Variants in COL6A2 observed in about 807,000 individuals in gnomAD.
COL6A2 encodes collagen alpha-2(VI) chain.
COL6A2 carries 90 observed loss-of-function variants against 124.9 expected under a neutral mutation model. The ratio of observed to expected loss-of-function variants is 0.72; its 90% CI spans 0.61 to 0.86. The LOEUF (loss-of-function observed/expected upper bound fraction) is 0.86, where lower values mean the gene tolerates loss of function less well. Among genes scored for constraint, COL6A2 ranks in the 40% least tolerant of loss-of-function variants. The probability of loss-of-function intolerance (pLI) is 0.00; values close to 1 mark genes in which losing one functional copy is unlikely to be tolerated. For missense variants in COL6A2, 1,607 were observed against 1,502.5 expected, an observed-to-expected ratio of 1.07 and a Z score of -1.15; for synonymous variants, 793 against 618.2, an observed-to-expected ratio of 1.28 and a Z score of -4.19.
In COL6A2 at chr21:46,117,418, G is replaced by A. The variant is rs2078489557; in HGVS notation, c.1018G>A (p.Gly340Arg). The stretch of plus-strand genomic sequence containing the variant: ...CCTTCAGGGCAAGCTGGGGCGCATC[G>A]GACCTCCTGGCTGCAAGGGAGACCC... ...DGQKGKLGRI[G>R]PPGCKGDPGN... Residue 340 changes from glycine to arginine, a missense_variant, in exon 11 of 28, where the codon GGA becomes AGA. By Grantham distance (125) the Gly-to-Arg change is moderately radical (BLOSUM62 -2). Coordinates refer to ENST00000300527, the MANE Select transcript of COL6A2 (RefSeq NM_001849.4). 2.5e-6 allele frequency: 4 copies of A among 1,612,770 alleles called. No individual in the cohort carries two copies. The highest frequency in any genetic ancestry group is 1.1e-5 in the South Asian group (1 of 91,070).
At position 46,114,086 on chromosome 21, in the gene COL6A2, G is replaced by A; in HGVS notation, c.801+13G>A. 6.2e-7 allele frequency: 1 copy of A among 1,607,436 alleles called. No individual in the cohort carries two copies. The highest frequency in any genetic ancestry group is 1.1e-5 in the South Asian group (1 of 90,978). The stretch of plus-strand genomic sequence containing the variant: ...CCGTGGACAGAAGGTAAGATGCCCA[G>A]ATTACCTGCAGGGTCTGCGCTACCA... On this transcript the variant is annotated intron_variant, in intron 5 of 27. Coordinates refer to ENST00000300527, the MANE Select transcript of COL6A2 (RefSeq NM_001849.4).
rs1395858719 is a variant in COL6A2, at chr21:46,125,266, G to T, written c.1771G>T (p.Glu591Ter). 1.9e-6 allele frequency: 3 copies of T among 1,612,112 alleles called. No homozygotes were observed. Reference protein sequence around the residue: ...PGPPGDPGLTECDVMTYVRET... With the variant: ...PGPPGDPGLT Reference sequence around the variant, plus strand: ...ACCCTGCCTGCCGTGTGCATTGCAGGAGTGTGACGTCATGACCTACGTGAG... The same window carrying T: ...ACCCTGCCTGCCGTGTGCATTGCAGTAGTGTGACGTCATGACCTACGTGAG... Residue 591 changes from glutamate to a stop codon, truncating the protein, a stop_gained and splice_region_variant, in exon 24 of 28, where the codon GAG becomes TAG. Coordinates refer to ENST00000300527, the MANE Select transcript of COL6A2 (RefSeq NM_001849.4). LOFTEE classifies it high-confidence loss of function.
chr21:46,100,895 C>A (rs921562125), intron 1 of COL6A2, among the ~76,000 whole-genome samples: 1 of 152,122 alleles, frequency 6.6e-6, no homozygotes, highest in African/African-American at 2.4e-5. Context: ...ATCCCACTTT[C>A]ACTTCTTTTG....
At chr21:46,128,575 C>T (rs780375913) in intron 27 of COL6A2, among the ~76,000 whole-genome samples, 12 of 152,212 alleles carry the variant, frequency 7.9e-5, no homozygotes, top group Non-Finnish European at 1.2e-4. Context: ...TTCTCAGTTG[C>T]GTGGGGACCA....
chr21:46,101,672 T>C (rs569824423), intron 1 of COL6A2, among the ~76,000 whole-genome samples: 1 of 152,282 alleles, frequency 6.6e-6, no homozygotes, highest in South Asian at 2.1e-4. Flanking sequence ...CGAATGGTCT[T>C]GACGGCTTGA....
chr21:46,126,645 G>C lies in COL6A2; in HGVS notation c.2461+104G>C, dbSNP rs980406562. On this transcript the variant is annotated intron_variant, in intron 27 of 27. Transcript: ENST00000300527. The stretch of plus-strand genomic sequence containing the variant: ...GGGGAGGGGCCGTGCAGGGACCCGG[G>C]GGGCGGCGGAGCCACTGCGGAGGCT... The C allele has an allele frequency of 1.8e-5, 26 of 1,415,324 alleles. No individual in the cohort carries two copies. The African/African-American group carries it at 3.0e-4, about 16-fold the overall frequency. The allele number at this position is 1,415,324 out of a possible 1,614,324, so 87.7% of individuals were successfully genotyped here.
At chr21:46,105,981 C>G (rs1432117959) in intron 1 of COL6A2, among the ~76,000 whole-genome samples, 2 of 152,140 alleles carry the variant, frequency 1.3e-5, no homozygotes, top group Non-Finnish European at 2.9e-5. Context: ...ATGCTCTCTA[C>G]AAGAGATGCA....
rs2078244873 is a variant in COL6A2, at chr21:46,098,128, G to T, written c.-73G>T. On this transcript the variant is annotated 5_prime_UTR_variant, in exon 1 of 28. Transcript: ENST00000300527. ...CGGTTCCCTCCCTGCTGCTTACTCG[G>T]CGCCCGCGCCTCGGGCCGTCGGGAG... 6.6e-6 allele frequency: 1 copy of T among 152,092 alleles called. No individual in the cohort carries two copies. The highest frequency in any genetic ancestry group is 1.5e-5 in the Non-Finnish European group (1 of 68,066). The allele number at this position is 152,092 out of a possible 1,614,324, so 9.4% of individuals were successfully genotyped here.
intron 1 of COL6A2, among the ~76,000 whole-genome samples, chr21:46,106,684 C>T (rs1454370300): frequency 6.6e-6 from 1 of 152,172 alleles, no homozygotes; most frequent in African/African-American, 2.4e-5. Context: ...CTCATCCCAG[C>T]CTGCTTCCAC....
intron 11 of COL6A2, 27 bp downstream of exon 11, chr21:46,117,480 A>G (rs889120997): frequency 1.2e-6 from 2 of 1,611,146 alleles, no homozygotes; most frequent in Non-Finnish European, 1.7e-6. Flanking sequence ...CCCCTCCTTC[A>G]GCCTCGGCCC....
At chr21:46,118,520 C>T in intron 12 of COL6A2, 94 bp from the exon 13 acceptor site, 2 of 1,256,726 alleles carry the variant, frequency 1.6e-6, no homozygotes, top group South Asian at 1.3e-5. Flanking sequence ...GGTGCAGTCC[C>T]AAGCCCGACC....
intron 18 of COL6A2, 106 bp downstream of exon 18, chr21:46,121,724 C>A: frequency 8.9e-7 from 1 of 1,118,730 alleles, no homozygotes; most frequent in Non-Finnish European, 1.3e-6. Flanking sequence ...AGACGTGCCT[C>A]AGGACGGGCC....
chr21:46,126,080 GGCCATC>G lies in COL6A2; in HGVS notation c.2267_2272del (p.Ala756_Ile757del). The G allele has an allele frequency of 1.2e-6, 2 of 1,612,904 alleles. No homozygotes were observed. Among genetic ancestry groups the G allele is most frequent in the South Asian group, 1.1e-5 (1 of 91,082 alleles). ...TGTGCGACCGCGACGTCACAGTGACGGCCATCGGCATCGGGGACATGTTCCACGAGA... is the reference window on the plus strand; with the variant it reads ...TGTGCGACCGCGACGTCACAGTGACGGGCATCGGGGACATGTTCCACGAGA... On this transcript the variant is annotated inframe_deletion, in exon 26 of 28. Transcript: ENST00000300527.
At chr21:46,126,598 T>G (rs1362704411) in intron 27 of COL6A2, 57 bp downstream of exon 27, 1 of 1,606,398 alleles carries the variant, frequency 6.2e-7, no homozygotes, top group Non-Finnish European at 8.5e-7. Context: ...CCTGGTGTCC[T>G]TCCTCCTCGA....
intron 27 of COL6A2, among the ~76,000 whole-genome samples, chr21:46,131,743 G>A (rs1162392053): frequency 2.6e-5 from 4 of 152,346 alleles, no homozygotes; most frequent in South Asian, 4.1e-4. Flanking sequence ...AGCACCAGCA[G>A]AGGAGATGGC....
chr21:46,125,455 A>C lies in COL6A2; in HGVS notation c.1817-10A>C, dbSNP rs1601248470. ...CCCGGTACCCCCCGATGACCCTGCC[A>C]CCCCCCCAGACTGTGAGAAGCGCTG... On this transcript the variant is annotated splice_polypyrimidine_tract_variant and intron_variant, in intron 24 of 27. Coordinates refer to ENST00000300527, the MANE Select transcript of COL6A2 (RefSeq NM_001849.4). The C allele has an allele frequency of 1.2e-6, 2 of 1,610,284 alleles. No homozygotes were observed. The highest frequency in any genetic ancestry group is 1.7e-6 in the Non-Finnish European group (2 of 1,178,066).
At chr21:46,126,584 C>T in intron 27 of COL6A2, 43 bp downstream of exon 27, 1 of 1,611,830 alleles carries the variant, frequency 6.2e-7, no homozygotes, top group Non-Finnish European at 8.5e-7. Flanking sequence ...ACTAGCAAAG[C>T]AGCCCTGGTG....
chr21:46,122,365 C>G (rs186853495), intron 19 of COL6A2, 131 bp from the exon 20 acceptor site: 1 of 1,347,826 alleles, frequency 7.4e-7, no homozygotes, highest in South Asian at 1.2e-5. Flanking sequence ...CAGCTCAGAA[C>G]GCAGCACAGT....
chr21:46,132,577 G>A lies in COL6A2; in HGVS notation c.*25G>A, dbSNP rs541910647. ...GCGCCGCCGCCCGGGCCCCGCAGTC[G>A]AGGGTCGTGAGCCCACCCCGTCCAT... On this transcript the variant is annotated 3_prime_UTR_variant, in exon 28 of 28. Transcript: ENST00000300527. 3.3e-5 allele frequency: 52 copies of A among 1,564,048 alleles called. 1 individual carries two copies. Among genetic ancestry groups the A allele is most frequent in the South Asian group, 2.5e-4 (22 of 87,056 alleles).
Sources: gnomAD v4.1 joint callset for allele counts (sites outside exome capture counted in the v4.1 genomes callset) on GRCh38, gnomAD v4.1.1 for gene constraint, MANE v1.5 for transcripts, NCBI Gene and HGNC (gene_info 2026-07-23, HGNC 2026-07-21) for gene names.